ANGPTL6: variants seen among roughly 807,000 people sequenced by gnomAD.
The protein encoded by ANGPTL6 is angiopoietin-related protein 6.
A neutral mutation model predicts 47.4 loss-of-function variants in ANGPTL6; 45 were observed. The observed-to-expected ratio is 0.95, with a 90% CI of 0.75 to 1.22. ANGPTL6 has a LOEUF of 1.22. Among genes scored for constraint, ANGPTL6 ranks in the 50% most tolerant of loss-of-function variants. The pLI is 0.00. For missense variants in ANGPTL6, 698 were observed against 669.4 expected (o/e 1.04, Z -0.47); for synonymous variants, 290 against 295.9 (o/e 0.98, Z 0.20).
At chr19:10,103,608 TAAA>T (rs1445289275), upstream of ANGPTL6, among the ~76,000 whole-genome samples, 1 of 29,850 alleles carries the variant, frequency 3.4e-5, no homozygotes, top group Middle Eastern at 0.012. Context: ...AATAAATAAA[TAAA>T]TAAATAAATA....
chr19:10,096,007 G>A lies in ANGPTL6; in HGVS notation c.557C>T (p.Pro186Leu). ...SLIARLERLC[P>L]GGAGGQQQVL... is the part of the protein sequence containing the mutation. ...CTGCTGCTGCCCGCCCGCGCCTCCC[G>A]GGCACAGGCGCTCCAGGCGGGCGAT... The change falls in exon 2 of 6, where the codon CCG (proline) becomes CTG (leucine). Residue 186 changes from proline (P) to leucine (L), a missense_variant. By Grantham distance (98) the Pro-to-Leu change is moderately conservative. Coordinates refer to ENST00000253109, the MANE Select transcript of ANGPTL6 (RefSeq NM_031917.3). 1 of 1,354,516 alleles carries A rather than the reference G, an allele frequency of 7.4e-7. No homozygotes were observed. The allele number at this position is 1,354,516 out of a possible 1,614,324, so 83.9% of individuals were successfully genotyped here. A position where few individuals can be genotyped will look rare whatever the true frequency, so the allele number is the denominator to read the frequency against.
Position 10,096,428 on chromosome 19 carries a change from C to A in ANGPTL6, c.136G>T (p.Gly46Cys), listed in dbSNP as rs960684849. Residue 46 changes from glycine (G) to cysteine (C), a missense_variant, in exon 2 of 6, where the codon GGC (glycine) becomes TGC (cysteine). Transcript: ENST00000253109. ...QKFTGAVCWS[G>C]PASTRATPEA... ...GGCGTCGCCCGCGTGGATGCGGGGC[C>A]GCTCCAGCACACAGCGCCCGTGAAC... 2.2e-6 allele frequency: 3 copies of A among 1,354,004 alleles called. No individual in the cohort carries two copies. Among genetic ancestry groups the A allele is most frequent in the Admixed American group, 3.9e-5 (1 of 25,628 alleles). The allele number at this position is 1,354,004 out of a possible 1,614,324, so 83.9% of individuals were successfully genotyped here.
At chr19:10,105,553 G>A (rs1181075937), upstream of ANGPTL6, among the ~76,000 whole-genome samples, 1 of 150,846 alleles carries the variant, frequency 6.6e-6, no homozygotes, top group Admixed American at 6.7e-5. Context: ...TATAAATGAT[G>A]AAAGAGACAA....
In ANGPTL6 at chr19:10,102,612, A is replaced by G. The variant is rs755307702; in HGVS notation, c.-55T>C. 52 of 984,412 alleles carry G rather than the reference A, an allele frequency of 5.3e-5. 2 individuals carry two copies. The highest frequency in any genetic ancestry group is 6.0e-5 in the Non-Finnish European group (50 of 829,392). The allele number at this position is 984,412 out of a possible 1,614,324, so 61.0% of individuals were successfully genotyped here. On this transcript the variant is annotated 5_prime_UTR_variant, in exon 1 of 6. Transcript: ENST00000253109. ...GAATCCAGCGAAGCTCACAGAACACACAAGAAGTCCAAGGAAGAGCCGAGG... is the reference window on the plus strand; with the variant it reads ...GAATCCAGCGAAGCTCACAGAACACGCAAGAAGTCCAAGGAAGAGCCGAGG...
Position 10,096,194 on chromosome 19 carries a change from G to GC in ANGPTL6, c.369_370insG (p.Pro124AlafsTer89). The GC allele has an allele frequency of 8.1e-7, 1 of 1,237,004 alleles. No homozygotes were observed. The highest frequency in any genetic ancestry group is 1.0e-6 in the Non-Finnish European group (1 of 990,330). 76.6% of individuals were successfully genotyped at this position (1,237,004 alleles called of 1,614,324 possible). On this transcript the variant is annotated frameshift_variant, in exon 2 of 6. Transcript: ENST00000253109. LOFTEE classifies it high-confidence loss of function. The stretch of plus-strand genomic sequence containing the variant: ...GGCTCCGCCCCCAGATCCGCCCCCG[G>GC]GCCCGCCCCGGGCCCCGCCTCGTGC...
At chr19:10,103,758 G>A (rs1289228912), upstream of ANGPTL6, among the ~76,000 whole-genome samples, 1 of 151,372 alleles carries the variant, frequency 6.6e-6, no homozygotes, top group African/African-American at 2.4e-5. Flanking sequence ...TCAGTTACAT[G>A]TGATTTATGT....
chr19:10,101,901 C>T (rs1260940178), intron 1 of ANGPTL6, among the ~76,000 whole-genome samples: 2 of 143,856 alleles, frequency 1.4e-5, no homozygotes, highest in African/African-American at 2.6e-5. Context: ...GTCAGGAGAT[C>T]GAGACCATCC....
At chr19:10,097,843 A>C (rs543026085) in intron 1 of ANGPTL6, among the ~76,000 whole-genome samples, 2 of 135,370 alleles carry the variant, frequency 1.5e-5, no homozygotes, top group East Asian at 4.3e-4. Context: ...ACTGAGCGAG[A>C]CTCCATCTCA....
At chr19:10,093,206 T>G in intron 5 of ANGPTL6, 143 bp downstream of exon 5, 1 of 1,182,804 alleles carries the variant, frequency 8.5e-7, no homozygotes, top group Non-Finnish European at 1.2e-6. Flanking sequence ...AGTCCTGACC[T>G]TTGTTCTCTT....
Position 10,094,785 on chromosome 19 carries a change from G to A in ANGPTL6, c.736C>T (p.His246Tyr). 6.2e-7 allele frequency: 1 copy of A among 1,614,200 alleles called. No homozygotes were observed. Among genetic ancestry groups the A allele is most frequent in the South Asian group, 1.1e-5 (1 of 91,082 alleles). The change falls in exon 3 of 6, where the codon CAC (histidine) becomes TAC (tyrosine). Residue 246 changes from histidine to tyrosine, a missense_variant. His to Tyr is a moderately conservative substitution (Grantham distance 83). Coordinates refer to ENST00000253109, the MANE Select transcript of ANGPTL6 (RefSeq NM_031917.3). The stretch of plus-strand genomic sequence containing the variant: ...ACAGGCTTGGTGGGGACCGCAGGGT[G>A]ACCTGCAGGCATGGGAGAAGCCATG... ...EPMASPMPAG[H>Y]PAVPTKPVGP...
In ANGPTL6 at chr19:10,098,943, G is replaced by C. The variant is rs528519152; in HGVS notation, c.-10-2370C>G. ...GGAAACCCCATCTTCCACGTCCTCAGACCAAAACCCCAGCAGATCCAACCC... is the reference window on the plus strand; with the variant it reads ...GGAAACCCCATCTTCCACGTCCTCACACCAAAACCCCAGCAGATCCAACCC... On this transcript the variant is annotated intron_variant, in intron 1 of 5. Coordinates refer to ENST00000253109, the MANE Select transcript of ANGPTL6 (RefSeq NM_031917.3). Among the ~76,000 whole-genome samples, 28 of 152,214 alleles carry C rather than the reference G, an allele frequency of 1.8e-4. No individual in the cohort carries two copies. In the South Asian group the frequency reaches 5.8e-3, roughly 32 times the overall value.
intron 1 of ANGPTL6, 167 bp from the exon 2 acceptor site, chr19:10,096,740 C>T: frequency 2.0e-6 from 1 of 512,432 alleles, no homozygotes; most frequent in East Asian, 3.5e-5. Context: ...TGATCCCACT[C>T]TGGCTTCAAC....
chr19:10,095,017 G>A (rs1014981245), intron 2 of ANGPTL6, 79 bp from the exon 3 acceptor site: 1 of 1,380,882 alleles, frequency 7.2e-7, no homozygotes, highest in Non-Finnish European at 9.6e-7. Flanking sequence ...AGAAATGGTG[G>A]ATAAATCTCC....
upstream of ANGPTL6, chr19:10,102,840 G>C: frequency 1.1e-6 from 1 of 903,166 alleles, no homozygotes; most frequent in Non-Finnish European, 1.3e-6. Flanking sequence ...GGCCACCAGA[G>C]CCTGATAACA....
chr19:10,093,430 G>A lies in ANGPTL6; in HGVS notation c.1141C>T (p.His381Tyr). The A allele has an allele frequency of 6.2e-7, 1 of 1,614,198 alleles. No individual in the cohort carries two copies. Among genetic ancestry groups the A allele is most frequent in the Non-Finnish European group, 8.5e-7 (1 of 1,180,042 alleles). The change falls in exon 5 of 6, where the codon CAT becomes TAT. Residue 381 changes from histidine to tyrosine, a missense_variant. Transcript: ENST00000253109. ...GAAAGAGAGTCTCCAGCATCACCAT[G>A]GTACTGGCCAAGCCGCAGGCGGTAG... ...DHYRLRLGQY[H>Y]GDAGDSLSWH...
intron 1 of ANGPTL6, among the ~76,000 whole-genome samples, chr19:10,097,339 G>A (rs867146772): frequency 1.3e-5 from 2 of 150,580 alleles, no homozygotes; most frequent in Non-Finnish European, 3.0e-5. Flanking sequence ...CTGCGATCAC[G>A]CCACTGCACT....
At chr19:10,095,029 A>G (rs963153955) in intron 2 of ANGPTL6, 91 bp from the exon 3 acceptor site, 2 of 1,326,518 alleles carry the variant, frequency 1.5e-6, no homozygotes, top group African/African-American at 1.5e-5. Context: ...TAAATCTCCC[A>G]GCTCCCAAAT....
Position 10,093,624 on chromosome 19 carries a change from C to T in ANGPTL6, c.952-5G>A. ...GTCTGGCCGCCCAAAGCCCGCCTGG[C>T]AGGGCAGGAAAGTCAGGAAGCCAGA... On this transcript the variant is annotated splice_polypyrimidine_tract_variant and splice_region_variant and intron_variant, in intron 4 of 5. Coordinates refer to ENST00000253109, the MANE Select transcript of ANGPTL6 (RefSeq NM_031917.3). 1 of 1,613,310 alleles carries T rather than the reference C, an allele frequency of 6.2e-7. No homozygotes were observed. The highest frequency in any genetic ancestry group is 1.1e-5 in the South Asian group (1 of 91,070).
At chr19:10,101,769 C>T (rs1029193792) in intron 1 of ANGPTL6, among the ~76,000 whole-genome samples, 2 of 140,716 alleles carry the variant, frequency 1.4e-5, no homozygotes, top group African/African-American at 5.4e-5. Flanking sequence ...AGAGATTGCG[C>T]CATTGCACTC....
Sources: allele counts gnomAD v4.1 joint callset (sites outside exome capture counted in the v4.1 genomes callset), GRCh38; gene constraint gnomAD v4.1.1; transcripts MANE v1.5; gene names NCBI Gene and HGNC (gene_info 2026-07-23, HGNC 2026-07-21).